The following PCDHGA7 variants were observed in gnomAD, a reference collection of about 807,000 sequenced individuals.
The protein encoded by PCDHGA7 is protocadherin gamma-A7.
PCDHGA7 carries 44 observed loss-of-function variants against 58.3 expected under a neutral mutation model. That is an observed-to-expected ratio of 0.75 (90% confidence interval 0.59 to 0.97). The LOEUF is 0.97. PCDHGA7 is among the 50% of genes least tolerant of loss of function. PCDHGA7 has a pLI of 0.00. For missense variants in PCDHGA7, 1,266 were observed against 1,188.7 expected, an observed-to-expected ratio of 1.06 and a Z score of -0.96; for synonymous variants, 516 against 504.2, an observed-to-expected ratio of 1.02 and a Z score of -0.31.
chr5:141,500,433 T>C (rs1398344932), intron 2 of PCDHGA7, among the ~76,000 whole-genome samples: 1 of 151,764 alleles, frequency 6.6e-6, no homozygotes, highest in East Asian at 1.9e-4. Context: ...ATGGTCTCGA[T>C]CTCCTGACCT....
At chr5:141,408,850 C>T (rs2095179070) in intron 1 of PCDHGA7, 2 of 1,613,554 alleles carry the variant, frequency 1.2e-6, no homozygotes, top group South Asian at 1.1e-5. Context: ...CTGCCTTGGA[C>T]GGAGGGGACC....
At chr5:141,474,722 C>G (rs1562046141) in intron 1 of PCDHGA7, among the ~76,000 whole-genome samples, 1 of 152,216 alleles carries the variant, frequency 6.6e-6, no homozygotes, top group Non-Finnish European at 1.5e-5. Flanking sequence ...TTCAAAAGGA[C>G]TCTATGCAAT....
intron 1 of PCDHGA7, chr5:141,416,921 G>C (rs985660835): frequency 6.6e-6 from 1 of 151,994 alleles, no homozygotes; most frequent in Non-Finnish European, 1.5e-5. Flanking sequence ...TAGGGTCATA[G>C]TTATTAACTA....
chr5:141,490,346 T>A lies in PCDHGA7; in HGVS notation c.2425-4461T>A. On this transcript the variant is annotated intron_variant, in intron 1 of 3. Coordinates refer to ENST00000518325, the MANE Select transcript of PCDHGA7 (RefSeq NM_018920.4). This position sits in a 1 kb window ranked among gnomAD's most constrained non-coding sequence, Gnocchi z 5.4. ...GAGAGCACACCAGTGGGCACAGTAG[T>A]GGGGTTGTTTAATGTGCGAGACCGG... The A allele has an allele frequency of 6.2e-7, 1 of 1,614,164 alleles. No individual in the cohort carries two copies. The highest frequency in any genetic ancestry group is 8.5e-7 in the Non-Finnish European group (1 of 1,180,020).
At chr5:141,449,471 G>T (rs1261821886) in intron 1 of PCDHGA7, among the ~76,000 whole-genome samples, 1 of 151,060 alleles carries the variant, frequency 6.6e-6, no homozygotes, top group African/African-American at 2.4e-5. Flanking sequence ...GCCAGGCCTG[G>T]TACCCCATGC....
Position 141,489,806 on chromosome 5 carries a change from A to G in PCDHGA7, c.2425-5001A>G. 1 of 1,614,198 alleles carries G rather than the reference A, an allele frequency of 6.2e-7. No homozygotes were observed. Among genetic ancestry groups the G allele is most frequent in the South Asian group, 1.1e-5 (1 of 91,082 alleles). Reference sequence around the variant, plus strand: ...AATGTGAAGACCCTAAAAGATGGGAAGCCATTCCCAGAGCTGGTGCTAGAG... The same window carrying G: ...AATGTGAAGACCCTAAAAGATGGGAGGCCATTCCCAGAGCTGGTGCTAGAG... On this transcript the variant is annotated intron_variant, in intron 1 of 3. Coordinates refer to ENST00000518325, the MANE Select transcript of PCDHGA7 (RefSeq NM_018920.4). The surrounding 1 kb of genome is among the most constrained non-coding windows in gnomAD (Gnocchi z 4.5).
At chr5:141,394,064 C>G in intron 1 of PCDHGA7, 7 of 1,613,776 alleles carry the variant, frequency 4.3e-6, no homozygotes, top group Non-Finnish European at 5.9e-6. Flanking sequence ...ATGTCTCTAT[C>G]TACAATATCA....
In PCDHGA7 at chr5:141,402,929, A is replaced by G. The variant is rs751760276; in HGVS notation, c.2424+17606A>G. 12 of 1,583,076 alleles carry G rather than the reference A, an allele frequency of 7.6e-6. No individual in the cohort carries two copies. In the South Asian group the frequency reaches 1.3e-4, roughly 17 times the overall value. On this transcript the variant is annotated intron_variant, in intron 1 of 3. Coordinates refer to ENST00000518325, the MANE Select transcript of PCDHGA7 (RefSeq NM_018920.4). ...AGCAGCGCGCACAGAGATCCTTTTG[A>G]GAAAATTCCAAAGCGAGGCAGCAAT...
rs201408987 is a variant in PCDHGA7, at chr5:141,476,857, C to T, written c.2425-17950C>T. 12 of 1,613,768 alleles carry T rather than the reference C, an allele frequency of 7.4e-6. No individual in the cohort carries two copies. The highest frequency in any genetic ancestry group is 1.0e-5 in the Non-Finnish European group (12 of 1,180,054). ...ACAATGCGCCTGTCTTCAACCAGTC[C>T]TTGTACCGGGCGCGCGTCCTGGAGG... On this transcript the variant is annotated intron_variant, in intron 1 of 3. Transcript: ENST00000518325. The surrounding 1 kb of genome is among the most constrained non-coding windows in gnomAD (Gnocchi z 7.6).
At chr5:141,437,264 A>G (rs2097872616) in intron 1 of PCDHGA7, among the ~76,000 whole-genome samples, 2 of 152,228 alleles carry the variant, frequency 1.3e-5, no homozygotes, top group South Asian at 2.1e-4. Context: ...TTTTATGTGT[A>G]TGACAGATGT....
intron 1 of PCDHGA7, among the ~76,000 whole-genome samples, chr5:141,407,680 C>A (rs2094967585): frequency 6.6e-6 from 1 of 151,942 alleles, no homozygotes; most frequent in Non-Finnish European, 1.5e-5. Flanking sequence ...CAAAGATTGG[C>A]TTTGTGGTGA....
In PCDHGA7 at chr5:141,491,533, C is replaced by G. The variant is rs758270791; in HGVS notation, c.2425-3274C>G. 4.3e-6 allele frequency: 7 copies of G among 1,614,010 alleles called. No homozygotes were observed. The highest frequency in any genetic ancestry group is 5.1e-6 in the Non-Finnish European group (6 of 1,180,028). ...GCTCAAGTACATGGAGGTGACGCTGCGGCCCACAGACTCGCAGAGCCACTG... is the reference window on the plus strand; with the variant it reads ...GCTCAAGTACATGGAGGTGACGCTGGGGCCCACAGACTCGCAGAGCCACTG... On this transcript the variant is annotated intron_variant, in intron 1 of 3. Transcript: ENST00000518325. The surrounding 1 kb of genome is among the most constrained non-coding windows in gnomAD (Gnocchi z 6.9).
At chr5:141,483,917 T>A (rs565465724) in intron 1 of PCDHGA7, among the ~76,000 whole-genome samples, 2 of 151,262 alleles carry the variant, frequency 1.3e-5, no homozygotes, top group South Asian at 4.2e-4. Context: ...CCCACTCAGA[T>A]TGCAGGTCGT....
intron 1 of PCDHGA7, chr5:141,492,055 G>C (rs1335131646): frequency 4.1e-6 from 2 of 493,506 alleles, no homozygotes; most frequent in Non-Finnish European, 7.1e-6. Flanking sequence ...CACCCCTGCA[G>C]CCAGCCTCCT....
At chr5:141,434,536 T>C (rs1037347477) in intron 1 of PCDHGA7, among the ~76,000 whole-genome samples, 7 of 152,186 alleles carry the variant, frequency 4.6e-5, no homozygotes, top group Non-Finnish European at 8.8e-5. Context: ...CCACAAACAA[T>C]AGCATGAGTG....
chr5:141,501,390 T>TCAC (rs1033806087), intron 2 of PCDHGA7, among the ~76,000 whole-genome samples: 4 of 151,794 alleles, frequency 2.6e-5, no homozygotes, highest in African/African-American at 9.7e-5. Flanking sequence ...CTAGGTCCTG[T>TCAC]CACAGGCCAC....
intron 2 of PCDHGA7, among the ~76,000 whole-genome samples, chr5:141,499,029 A>G (rs140948405): frequency 1.5e-3 from 205 of 140,068 alleles, no homozygotes; most frequent in African/African-American, 5.5e-3. Context: ...AGGAAGGAAG[A>G]AAAGAAAGAA....
At position 141,476,689 on chromosome 5, in the gene PCDHGA7, C is replaced by A; in HGVS notation, c.2425-18118C>A. Reference sequence around the variant, plus strand: ...GCGTGCAGACGCGGGAGGACAGCACCAAGTACGCGGAGCTGGTGTTGGAGC... The same window carrying A: ...GCGTGCAGACGCGGGAGGACAGCACAAAGTACGCGGAGCTGGTGTTGGAGC... On this transcript the variant is annotated intron_variant, in intron 1 of 3. Transcript: ENST00000518325. The surrounding 1 kb of genome is among the most constrained non-coding windows in gnomAD (Gnocchi z 7.6). The A allele has an allele frequency of 1.9e-6, 3 of 1,614,226 alleles. No homozygotes were observed. Among genetic ancestry groups the A allele is most frequent in the Non-Finnish European group, 2.5e-6 (3 of 1,180,046 alleles).
At chr5:141,474,419 A>AT (rs1348108901) in intron 1 of PCDHGA7, among the ~76,000 whole-genome samples, 1 of 152,204 alleles carries the variant, frequency 6.6e-6, no homozygotes, top group Non-Finnish European at 1.5e-5. Context: ...TGCCTAGACC[A>AT]TTGGTCCTCA....
Sources: gnomAD v4.1 joint callset for allele counts (sites outside exome capture counted in the v4.1 genomes callset) on GRCh38, gnomAD v4.1.1 for gene constraint, Gnocchi (gnomAD v3.1) non-coding constraint, MANE v1.5 for transcripts, NCBI Gene and HGNC (gene_info 2026-07-23, HGNC 2026-07-21) for gene names.